KAZN: variants seen among roughly 807,000 people sequenced by gnomAD.
KAZN encodes kazrin.
KAZN carries 40 observed loss-of-function variants against 87.4 expected under a neutral mutation model. That is an observed-to-expected ratio of 0.46 (90% CI 0.36 to 0.60). The LOEUF (loss-of-function observed/expected upper bound fraction) is 0.60. KAZN is among the 20% of genes least tolerant of loss of function. The pLI, the probability that KAZN is intolerant of heterozygous loss-of-function variation, is 0.00. For missense variants in KAZN, 898 were observed against 1,073.9 expected (o/e 0.84, Z 2.29); for synonymous variants, 466 against 458.3 (o/e 1.02, Z -0.22).
intron 1 of KAZN, among the ~76,000 whole-genome samples, chr1:14,092,711 G>C (rs1319254894): frequency 6.6e-6 from 1 of 151,608 alleles, no homozygotes; most frequent in African/African-American, 2.4e-5. Flanking sequence ...ATCTATTTGT[G>C]CAGAAAACGT....
chr1:15,003,190 TGTC>T (rs1668672271), intron 2 of KAZN, among the ~76,000 whole-genome samples: 1 of 152,092 alleles, frequency 6.6e-6, no homozygotes, highest in African/African-American at 2.4e-5. Flanking sequence ...TTGGGAATAA[TGTC>T]GTGGAGGTGA....
intron 2 of KAZN, among the ~76,000 whole-genome samples, chr1:14,972,027 C>T (rs1308705527): frequency 6.6e-6 from 1 of 152,120 alleles, no homozygotes; most frequent in Non-Finnish European, 1.5e-5. Flanking sequence ...ACACGCTGAT[C>T]CTCAGCTTTT....
chr1:14,604,765 C>A (rs1434973723), intron 1 of KAZN, among the ~76,000 whole-genome samples: 1 of 152,172 alleles, frequency 6.6e-6, no homozygotes. Flanking sequence ...AAGGTCCCTG[C>A]CCCTTTACTT....
rs184203980 is a variant in KAZN at position 14,183,276 on chromosome 1, G to A, written c.249+2684G>A. The stretch of plus-strand genomic sequence containing the variant: ...CAAACACATCTCCCAAGTATAATGG[G>A]GAAGCCAGAGATGATTGGCAGGCCT... On this transcript the variant is annotated intron_variant, in intron 2 of 16. Coordinates refer to the KAZN transcript ENST00000636203. Among the ~76,000 whole-genome samples, 232 of 152,240 alleles carry A rather than the reference G, an allele frequency of 1.5e-3. 1 individual carries two copies. Among genetic ancestry groups the A allele is most frequent in the African/African-American group, 5.3e-3 (220 of 41,546 alleles).
chr1:14,365,997 G>A (rs560158703), intron 2 of KAZN, among the ~76,000 whole-genome samples: 2 of 152,104 alleles, frequency 1.3e-5, no homozygotes, highest in Non-Finnish European at 2.9e-5. Context: ...GTTCATACAC[G>A]AGTCATAGCC....
intron 1 of KAZN, among the ~76,000 whole-genome samples, chr1:14,902,785 T>C (rs975251110): frequency 6.6e-6 from 1 of 152,054 alleles, no homozygotes; most frequent in African/African-American, 2.4e-5. Context: ...GTCCTGCTTT[T>C]TGAGGGGAGG....
intron 2 of KAZN, among the ~76,000 whole-genome samples, chr1:14,461,912 C>A (rs2148350711): frequency 6.6e-6 from 1 of 152,068 alleles, no homozygotes; most frequent in African/African-American, 2.4e-5. Flanking sequence ...CCAAAAGTCT[C>A]CCCTTGGGAA....
At chr1:14,320,195 G>C (rs1004345199) in intron 2 of KAZN, among the ~76,000 whole-genome samples, 55 of 152,130 alleles carry the variant, frequency 3.6e-4, no homozygotes, top group African/African-American at 1.3e-3. Context: ...CAAATCTTTG[G>C]TAGAATGAGG....
intron 2 of KAZN, among the ~76,000 whole-genome samples, chr1:14,510,595 A>G (rs533906915): frequency 6.6e-6 from 1 of 152,342 alleles, no homozygotes; most frequent in Non-Finnish European, 1.5e-5. Context: ...ATTGATTCTG[A>G]GAACACTGTA....
intron 1 of KAZN, among the ~76,000 whole-genome samples, chr1:13,946,666 A>G (rs1641157079): frequency 6.6e-6 from 1 of 152,194 alleles, no homozygotes; most frequent in Non-Finnish European, 1.5e-5. Flanking sequence ...AAGGGTCATG[A>G]TCACCTGCTT....
In KAZN at chr1:14,136,316, G is replaced by A. The variant is rs545989523; in HGVS notation, c.92-44119G>A. Among the ~76,000 whole-genome samples, 56 of 152,192 alleles carry A rather than the reference G, an allele frequency of 3.7e-4. 1 individual carries two copies. The highest frequency in any genetic ancestry group is 3.1e-4 in the Non-Finnish European group (21 of 67,996). ...CCTTGGGTAAACTATTTAGCCTCAC[G>A]GGGCCTCAGATGCCCCCCTGTGAAG... is the stretch of plus-strand genomic sequence containing the variant. On this transcript the variant is annotated intron_variant, in intron 1 of 16. Coordinates refer to the KAZN transcript ENST00000636203.
chr1:14,743,361 C>T (rs942390957), intron 1 of KAZN, among the ~76,000 whole-genome samples: 2 of 150,794 alleles, frequency 1.3e-5, no homozygotes, highest in East Asian at 1.9e-4. Flanking sequence ...ACCTGGGAGG[C>T]GGAGGTTACA....
At chr1:14,800,057 T>G (rs892382046) in intron 1 of KAZN, among the ~76,000 whole-genome samples, 15 of 152,114 alleles carry the variant, frequency 9.9e-5, no homozygotes, top group Non-Finnish European at 2.1e-4. Flanking sequence ...AAGGCTTGGA[T>G]GTATTGGGAA....
chr1:14,895,030 GC>G (rs1655112175), intron 1 of KAZN, among the ~76,000 whole-genome samples: 1 of 152,240 alleles, frequency 6.6e-6, no homozygotes, highest in Admixed American at 6.5e-5. Context: ...AGCCTGCTCT[GC>G]CCAGCAGCAC....
chr1:15,112,598 T>TTTCTTCTCCCAGCGGCAGGTCTTTTTC, intron 14 of KAZN, 57 bp downstream of exon 14: 1 of 1,248,668 alleles, frequency 8.0e-7, no homozygotes, highest in Admixed American at 2.0e-5. Flanking sequence ...AGGTCTTTTT[T>TTTCTTCTCCCAGCGGCAGGTCTTTTTC]TCTCCTCCCG....
intron 1 of KAZN, among the ~76,000 whole-genome samples, chr1:14,843,974 G>A (rs114852964): frequency 8.1e-4 from 124 of 152,290 alleles, no homozygotes; most frequent in Middle Eastern, 3.4e-3. Context: ...AGAGGACAGC[G>A]TGGTTTTAAT....
chr1:15,082,555 G>A (rs928745582), intron 8 of KAZN, among the ~76,000 whole-genome samples: 6 of 152,210 alleles, frequency 3.9e-5, no homozygotes, highest in Non-Finnish European at 7.3e-5. Context: ...GCTGCCAAGG[G>A]TGTCTGCCAA....
chr1:14,869,175 A>G (rs1651870229), intron 1 of KAZN, among the ~76,000 whole-genome samples: 3 of 152,146 alleles, frequency 2.0e-5, no homozygotes, highest in Admixed American at 2.0e-4. Flanking sequence ...AGCTTCCACC[A>G]TCCCCTTCCT....
intron 1 of KAZN, among the ~76,000 whole-genome samples, chr1:14,166,502 C>A (rs949165952): frequency 6.6e-6 from 1 of 152,032 alleles, no homozygotes; most frequent in Non-Finnish European, 1.5e-5. Flanking sequence ...ATCATCTGAC[C>A]GTTTTACAAG....
Sources: gnomAD v4.1 joint callset for allele counts (sites outside exome capture counted in the v4.1 genomes callset) on GRCh38, gnomAD v4.1.1 for gene constraint, MANE v1.5 for transcripts, NCBI Gene and HGNC (gene_info 2026-07-23, HGNC 2026-07-21) for gene names.